The following ANO5 variants were observed in gnomAD, a reference collection of about 807,000 sequenced individuals.
ANO5 encodes anoctamin 5.
ANO5 carries 109 observed loss-of-function variants against 121.0 expected under a neutral mutation model. That is an observed-to-expected ratio of 0.90 (90% CI 0.77 to 1.06). ANO5 has a LOEUF of 1.06. Ranked by LOEUF, ANO5 falls within the 50% of genes least tolerant of loss-of-function variation. The probability of loss-of-function intolerance (pLI) is 0.00; values close to 1 mark genes in which losing one functional copy is unlikely to be tolerated. For synonymous variants in ANO5, 406 were observed against 359.9 expected, an observed-to-expected ratio of 1.13 and a Z score of -1.45; for missense variants, 1,064 against 1,078.5, an observed-to-expected ratio of 0.99 and a Z score of 0.19.
intron 1 of ANO5, among the ~76,000 whole-genome samples, chr11:22,198,113 G>T (rs1245259596): frequency 6.6e-6 from 1 of 152,176 alleles, no homozygotes; most frequent in Non-Finnish European, 1.5e-5. Flanking sequence ...AGCATGGTGT[G>T]TGTGGAAGTA....
chr11:22,261,532 G>C (rs933849723), intron 15 of ANO5: 2 of 153,474 alleles, frequency 1.3e-5, no homozygotes, highest in African/African-American at 4.8e-5. Flanking sequence ...AGGTGTGGTG[G>C]TGCACATCTG....
intron 7 of ANO5, among the ~76,000 whole-genome samples, chr11:22,235,652 T>A (rs904496652): frequency 6.6e-6 from 1 of 152,156 alleles, no homozygotes; most frequent in Non-Finnish European, 1.5e-5. Context: ...ATATTCAGGA[T>A]AAAACTGATA....
chr11:22,255,629 G>A (rs969086485), intron 13 of ANO5, 107 bp downstream of exon 13: 284 of 1,299,250 alleles, frequency 2.2e-4, no homozygotes, highest in Admixed American at 8.7e-4. Context: ...ATTCTGCAAC[G>A]TATAAATCAC....
At chr11:22,248,486 T>C (rs1853696100) in intron 9 of ANO5, among the ~76,000 whole-genome samples, 2 of 152,062 alleles carry the variant, frequency 1.3e-5, no homozygotes, top group Non-Finnish European at 2.9e-5. Flanking sequence ...GTATGCATTT[T>C]TACCATATTG....
intron 9 of ANO5, among the ~76,000 whole-genome samples, chr11:22,242,670 G>C (rs1316938887): frequency 1.3e-5 from 2 of 151,974 alleles, no homozygotes; most frequent in African/African-American, 4.8e-5. Context: ...ATGGGATTGT[G>C]TTCTTGATTT....
At chr11:22,258,319 CA>C (rs1564941040) in intron 14 of ANO5, among the ~76,000 whole-genome samples, 1 of 152,072 alleles carries the variant, frequency 6.6e-6, no homozygotes, top group Admixed American at 6.5e-5. Context: ...CTACTATTTT[CA>C]TATTTTAAAA....
At chr11:22,270,549 TTGAC>T (rs1854572088) in intron 18 of ANO5, 107 bp downstream of exon 18, 33 of 1,521,130 alleles carry the variant, frequency 2.2e-5, no homozygotes, top group Non-Finnish European at 3.0e-5. Context: ...CAATAAATCT[TTGAC>T]TGGTTGGCAA....
At chr11:22,199,620 A>G (rs1205207264) in intron 1 of ANO5, among the ~76,000 whole-genome samples, 4 of 152,072 alleles carry the variant, frequency 2.6e-5, no homozygotes, top group Non-Finnish European at 4.4e-5. Context: ...AAATAGGTAT[A>G]TTTTCTAAAA....
At chr11:22,213,823 A>G (rs1461228924) in intron 3 of ANO5, among the ~76,000 whole-genome samples, 1 of 151,980 alleles carries the variant, frequency 6.6e-6, no homozygotes, top group African/African-American at 2.4e-5. Flanking sequence ...TTTATGTTAT[A>G]AACCAAATAC....
chr11:22,231,625 A>G (rs945879601), intron 7 of ANO5, among the ~76,000 whole-genome samples: 1 of 151,948 alleles, frequency 6.6e-6, no homozygotes, highest in Non-Finnish European at 1.5e-5. Context: ...GGTTGTTTCC[A>G]ACTTTTCTGA....
At chr11:22,262,448 A>G (rs1854220978) in intron 16 of ANO5, 150 bp downstream of exon 16, 2 of 833,508 alleles carry the variant, frequency 2.4e-6, no homozygotes, top group South Asian at 1.8e-5. Context: ...TCACAGATGA[A>G]TCCTGTCATT....
At chr11:22,254,308 A>C (rs901820971) in intron 12 of ANO5, among the ~76,000 whole-genome samples, 4 of 152,142 alleles carry the variant, frequency 2.6e-5, no homozygotes, top group Non-Finnish European at 5.9e-5. Context: ...GTGAGTCAGA[A>C]AGTTGAATCT....
intron 9 of ANO5, among the ~76,000 whole-genome samples, chr11:22,245,105 C>T (rs1853574972): frequency 6.6e-6 from 1 of 152,100 alleles, no homozygotes; most frequent in Admixed American, 6.6e-5. Context: ...GGATTCTTGC[C>T]TTGGGTTTCA....
chr11:22,247,628 T>C (rs935482600), intron 9 of ANO5, among the ~76,000 whole-genome samples: 5 of 152,170 alleles, frequency 3.3e-5, no homozygotes, highest in African/African-American at 7.2e-5. Context: ...ATACAGTTTA[T>C]AGGAATCTGA....
chr11:22,247,597 T>C (rs1203100954), intron 9 of ANO5, among the ~76,000 whole-genome samples: 3 of 152,106 alleles, frequency 2.0e-5, no homozygotes, highest in African/African-American at 7.2e-5. Flanking sequence ...GAAGACAGAA[T>C]GATAGGGTGT....
intron 3 of ANO5, 108 bp downstream of exon 3, chr11:22,211,422 C>T (rs1441557303): frequency 2.4e-6 from 3 of 1,265,300 alleles, no homozygotes; most frequent in East Asian, 2.3e-5. Context: ...GACATGCTCT[C>T]ATACATGGTA....
rs7951567 is a variant in ANO5 at position 22,227,843 on chromosome 11, G to A, written c.648+257G>A. Among the ~76,000 whole-genome samples the A allele has an allele frequency of 0.14, 21,031 of 151,924 alleles. 4,200 individuals are homozygous for A. The highest frequency in any genetic ancestry group is 0.44 in the African/African-American group (18,093 of 41,376). On this transcript the variant is annotated intron_variant, in intron 7 of 21. Coordinates refer to ENST00000324559, the MANE Select transcript of ANO5 (RefSeq NM_213599.3). ...AAAGAAAGAGATGTTATACAATATT[G>A]GAAAAAGCAATTAATTGAGAGCTAG...
At chr11:22,203,954 ATGCCCTC>A in intron 2 of ANO5, 104 bp downstream of exon 2, 1 of 705,338 alleles carries the variant, frequency 1.4e-6, no homozygotes, top group African/African-American at 1.8e-5. Flanking sequence ...ACATTCTATT[ATGCCCTC>A]TAATTTATTC....
chr11:22,247,071 C>T (rs1468578132), intron 9 of ANO5, among the ~76,000 whole-genome samples: 1 of 152,018 alleles, frequency 6.6e-6, no homozygotes, highest in Non-Finnish European at 1.5e-5. Flanking sequence ...CACAGTAATA[C>T]TCCAAACAAA....
Sources: allele counts gnomAD v4.1 joint callset (sites outside exome capture counted in the v4.1 genomes callset), GRCh38; gene constraint gnomAD v4.1.1; transcripts MANE v1.5; gene names NCBI Gene and HGNC (gene_info 2026-07-23, HGNC 2026-07-21).